Variants in ZNF704 observed in about 807,000 individuals in gnomAD.
The protein encoded by ZNF704 is glucocorticoid induced gene 1.
A neutral mutation model predicts 44.7 loss-of-function variants in ZNF704; 10 were observed. The observed-to-expected ratio is 0.22, with a 90% CI of 0.14 to 0.38. The LOEUF (loss-of-function observed/expected upper bound fraction) is 0.38, where lower values mean the gene tolerates loss of function less well. Among genes scored for constraint, ZNF704 ranks in the 10% least tolerant of loss-of-function variants. ZNF704 has a pLI of 1.00. For synonymous variants in ZNF704, 211 were observed against 207.6 expected (o/e 1.02, Z -0.14); for missense variants, 390 against 545.5 (o/e 0.71, Z 2.84).
chr8:80,653,120 C>A (rs889164777), intron 7 of ZNF704, among the ~76,000 whole-genome samples: 30 of 152,000 alleles, frequency 2.0e-4, no homozygotes, highest in Middle Eastern at 3.4e-3. Flanking sequence ...ATTCAACAAC[C>A]CTTCATGCTA....
At chr8:80,843,971 G>GTATATATA (rs143495397) in intron 1 of ZNF704, among the ~76,000 whole-genome samples, 19 of 143,282 alleles carry the variant, frequency 1.3e-4, no homozygotes, top group Non-Finnish European at 2.8e-4. Flanking sequence ...ATATATATGT[G>GTATATATA]TATATATATA....
chr8:80,664,761 C>T, intron 6 of ZNF704, 54 bp downstream of exon 6: 2 of 1,604,848 alleles, frequency 1.2e-6, no homozygotes, highest in Non-Finnish European at 8.5e-7. Flanking sequence ...GCCAGATGGC[C>T]CCTGGTTTTG....
intron 2 of ZNF704, among the ~76,000 whole-genome samples, chr8:80,718,947 C>T (rs1222344031): frequency 6.6e-6 from 1 of 151,406 alleles, no homozygotes; most frequent in Non-Finnish European, 1.5e-5. Context: ...ATTTCTTGCA[C>T]AGAGTGAGCA....
chr8:80,663,529 G>A (rs1354298765), intron 6 of ZNF704, among the ~76,000 whole-genome samples: 3 of 152,146 alleles, frequency 2.0e-5, no homozygotes, highest in Non-Finnish European at 4.4e-5. Context: ...GGGGCACAGA[G>A]GAGGGTGTGG....
intron 2 of ZNF704, among the ~76,000 whole-genome samples, chr8:80,723,747 A>T (rs185898352): frequency 1.3e-5 from 2 of 152,234 alleles, no homozygotes; most frequent in Non-Finnish European, 2.9e-5. Flanking sequence ...GAGAGGGTAC[A>T]TGGTTTTCAA....
At chr8:80,651,612 G>A in intron 7 of ZNF704, among the ~76,000 whole-genome samples, 1 of 152,180 alleles carries the variant, frequency 6.6e-6, no homozygotes, top group Non-Finnish European at 1.5e-5. Context: ...AAGAAGAAGA[G>A]CTAACTATCC....
Position 80,747,826 on chromosome 8 carries a change from C to G in ZNF704, c.222-54719G>C, listed in dbSNP as rs376275753. ...CCACCTCCCCGATTCAAGCGATTCC[C>G]CTGCTTCAGCATCCTGACTAGCTGG... On this transcript the variant is annotated intron_variant, in intron 2 of 8. Transcript: ENST00000327835. 2.0e-5 allele frequency among the ~76,000 whole-genome samples: 3 copies of G among 152,212 alleles called. No individual in the cohort carries two copies. In the East Asian group the frequency reaches 5.8e-4, roughly 29 times the overall value.
chr8:80,711,775 A>G (rs977285004), intron 2 of ZNF704, among the ~76,000 whole-genome samples: 11 of 152,218 alleles, frequency 7.2e-5, no homozygotes, highest in African/African-American at 2.7e-4. Context: ...AAAGCAAATT[A>G]TGTCTGATTC....
intron 2 of ZNF704, among the ~76,000 whole-genome samples, chr8:80,801,982 A>G (rs1189744771): frequency 2.0e-5 from 3 of 152,138 alleles, no homozygotes; most frequent in Non-Finnish European, 2.9e-5. Flanking sequence ...ATCAGAAATG[A>G]TAACAGGGAT....
intron 1 of ZNF704, among the ~76,000 whole-genome samples, chr8:80,858,825 C>T (rs1297723990): frequency 6.6e-6 from 1 of 152,168 alleles, no homozygotes; most frequent in African/African-American, 2.4e-5. Context: ...ATATCCTCTA[C>T]ATGATATGAT....
At chr8:80,831,778 G>A (rs1808476317) in intron 1 of ZNF704, among the ~76,000 whole-genome samples, 1 of 152,210 alleles carries the variant, frequency 6.6e-6, no homozygotes, top group Non-Finnish European at 1.5e-5. Context: ...GGACCAGGAA[G>A]AGAACACAAC....
chr8:80,768,026 T>C (rs965373031), intron 2 of ZNF704, among the ~76,000 whole-genome samples: 11 of 152,096 alleles, frequency 7.2e-5, no homozygotes, highest in African/African-American at 2.2e-4. Flanking sequence ...AAATAAACCA[T>C]GCCAAAGCAA....
intron 1 of ZNF704, among the ~76,000 whole-genome samples, chr8:80,850,898 C>A (rs1363569997): frequency 1.3e-5 from 2 of 152,212 alleles, no homozygotes; most frequent in African/African-American, 2.4e-5. Flanking sequence ...TGATTCCTGA[C>A]CATCCTAGCC....
intron 2 of ZNF704, among the ~76,000 whole-genome samples, chr8:80,713,979 A>C (rs571414673): frequency 7.9e-5 from 12 of 152,346 alleles, no homozygotes; most frequent in African/African-American, 2.9e-4. Flanking sequence ...TACACAGGGC[A>C]TGCTAACACT....
Position 80,716,367 on chromosome 8 carries a change from T to C in ZNF704, c.222-23260A>G, listed in dbSNP as rs1015726871. On this transcript the variant is annotated intron_variant, in intron 2 of 8. Coordinates refer to ENST00000327835, the MANE Select transcript of ZNF704 (RefSeq NM_001033723.3). ...TGCCCAGCCTGCTTTCTAAAGCACT[T>C]CTTTCTCTTGATAGGGTCAAAGGAA... Among the ~76,000 whole-genome samples the C allele has an allele frequency of 2.0e-5, 3 of 152,346 alleles. No individual in the cohort carries two copies. The East Asian group carries it at 5.8e-4, about 29-fold the overall frequency.
chr8:80,651,168 G>A (rs1028200563), intron 7 of ZNF704, among the ~76,000 whole-genome samples: 1 of 152,026 alleles, frequency 6.6e-6, no homozygotes, highest in Admixed American at 6.6e-5. Context: ...TGAAGGAAGT[G>A]CTAAACATGG....
At chr8:80,747,748 C>T (rs1806870345) in intron 2 of ZNF704, among the ~76,000 whole-genome samples, 1 of 152,150 alleles carries the variant, frequency 6.6e-6, no homozygotes, top group African/African-American at 2.4e-5. Flanking sequence ...GACGGAGTCT[C>T]GCTCGGTCGC....
chr8:80,827,901 C>T (rs1808406535), intron 1 of ZNF704, among the ~76,000 whole-genome samples: 1 of 152,160 alleles, frequency 6.6e-6, no homozygotes, highest in Non-Finnish European at 1.5e-5. Context: ...CCCTTCCTTA[C>T]ACCTTATACA....
chr8:80,734,474 C>T (rs970814766), intron 2 of ZNF704, among the ~76,000 whole-genome samples: 3 of 152,156 alleles, frequency 2.0e-5, no homozygotes, highest in East Asian at 3.8e-4. Context: ...AGATGTCTAA[C>T]TGTTCAGTAT....
Sources: gnomAD v4.1 joint callset for allele counts (sites outside exome capture counted in the v4.1 genomes callset) on GRCh38, gnomAD v4.1.1 for gene constraint, MANE v1.5 for transcripts, NCBI Gene and HGNC (gene_info 2026-07-23, HGNC 2026-07-21) for gene names.